The following ABCD3 variants were observed in gnomAD, a reference collection of about 807,000 sequenced individuals.
The protein encoded by ABCD3 is ATP-binding cassette sub-family D member 3.
Under a neutral mutation model 105.5 loss-of-function variants are expected in ABCD3, and 41 were observed. That is an observed-to-expected ratio of 0.39 (90% CI 0.30 to 0.50). The LOEUF is 0.50. ABCD3 is among the 20% of genes least tolerant of loss of function. ABCD3 has a pLI of 0.84. For synonymous variants in ABCD3, 258 were observed against 269.0 expected (o/e 0.96, Z 0.40); for missense variants, 622 against 806.3 (o/e 0.77, Z 2.77).
In ABCD3 at chr1:94,440,081, T is replaced by C. The variant is rs369175283; in HGVS notation, c.111-18526T>C. On this transcript the variant is annotated intron_variant, in intron 1 of 22. Coordinates refer to ENST00000370214, the MANE Select transcript of ABCD3 (RefSeq NM_002858.4). ...TGGATTATTTTGACATCATAGGTTATAGTTTTTATATCTTGTAGGAATGTG... is the reference window on the plus strand; with the variant it reads ...TGGATTATTTTGACATCATAGGTTACAGTTTTTATATCTTGTAGGAATGTG... Among the ~76,000 whole-genome samples the C allele has an allele frequency of 1.5e-4, 23 of 152,366 alleles. No individual in the cohort carries two copies. The South Asian group carries it at 1.7e-3, about 11-fold the overall frequency.
At chr1:94,402,657 C>T in the ABCD3 span, among the ~76,000 whole-genome samples, 21 of 152,264 alleles carry the variant, frequency 1.4e-4, no homozygotes, top group East Asian at 2.3e-3. Flanking sequence ...ACCCCCTTCA[C>T]GCTCTAATCT....
At chr1:94,433,429 C>T (rs768924502) in intron 1 of ABCD3, among the ~76,000 whole-genome samples, 2 of 151,854 alleles carry the variant, frequency 1.3e-5, no homozygotes, top group Non-Finnish European at 2.9e-5. Flanking sequence ...GCTGGGATTA[C>T]AGGTGTGAGC....
chr1:94,506,459 T>C, intron 20 of ABCD3, 79 bp from the exon 21 acceptor site: 2 of 807,730 alleles, frequency 2.5e-6, no homozygotes, highest in East Asian at 5.0e-5. Context: ...TACAAATGCA[T>C]ATTTAACATA....
At chr1:94,488,700 C>T (rs1649386234) in intron 13 of ABCD3, among the ~76,000 whole-genome samples, 1 of 152,048 alleles carries the variant, frequency 6.6e-6, no homozygotes, top group African/African-American at 2.4e-5. Context: ...TTGTTAACTA[C>T]TATGAGTAGA....
Position 94,491,179 on chromosome 1 carries a change from T to C in ABCD3, c.1323-5T>C. The C allele has an allele frequency of 6.2e-7, 1 of 1,607,506 alleles. No homozygotes were observed. On this transcript the variant is annotated splice_polypyrimidine_tract_variant and splice_region_variant and intron_variant, in intron 15 of 22. Transcript: ENST00000370214. ...TAATTCTCTTTTTAAAAATTTCCTC[T>C]ATAGGTTTGATCATGTTCCTTTAGC...
intron 21 of ABCD3, among the ~76,000 whole-genome samples, chr1:94,511,154 G>A (rs1650650302): frequency 6.6e-6 from 1 of 151,808 alleles, no homozygotes; most frequent in African/African-American, 2.4e-5. Context: ...CATGTTTAGT[G>A]CTTCCTTCAG....
rs545066375 is a variant in ABCD3 at position 94,464,481 on chromosome 1, G to A, written c.148-294G>A. ...GGCCATTTTGTTCTTCCTCAAGCAC[G>A]TTGCAGGTGTTCACCTTGGTATTTT... On this transcript the variant is annotated intron_variant, in intron 2 of 22. Transcript: ENST00000370214. Among the ~76,000 whole-genome samples, 17 of 152,104 alleles carry A rather than the reference G, an allele frequency of 1.1e-4. No individual in the cohort carries two copies. The South Asian group carries it at 1.5e-3, about 13-fold the overall frequency.
rs1344663942 is a variant in ABCD3 at position 94,487,524 on chromosome 1, G to GT, written c.898-13dup. The GT allele has an allele frequency of 6.2e-6, 10 of 1,610,912 alleles. No homozygotes were observed. Among genetic ancestry groups the GT allele is most frequent in the Non-Finnish European group, 8.5e-6 (10 of 1,178,580 alleles). On this transcript the variant is annotated splice_polypyrimidine_tract_variant and intron_variant, in intron 10 of 22. Coordinates refer to ENST00000370214, the MANE Select transcript of ABCD3 (RefSeq NM_002858.4). Reference sequence around the variant, plus strand: ...TATACAGAGAAAAAGATGGTTTTTTGTTTTTGTTTTCTGCCAGGTGGAACA... The same window carrying GT: ...TATACAGAGAAAAAGATGGTTTTTTGTTTTTTGTTTTCTGCCAGGTGGAACA...
the ABCD3 span, among the ~76,000 whole-genome samples, chr1:94,404,312 C>T: frequency 6.6e-6 from 1 of 152,176 alleles, no homozygotes; most frequent in African/African-American, 2.4e-5. Context: ...GTTCAGGGTT[C>T]ATGTGTAATT....
chr1:94,421,628 T>A (rs1659262737), intron 1 of ABCD3, among the ~76,000 whole-genome samples: 1 of 151,682 alleles, frequency 6.6e-6, no homozygotes, highest in African/African-American at 2.4e-5. Flanking sequence ...TCAGGGAGCT[T>A]ACCTTCTTGT....
rs890081880 is a variant in ABCD3, at chr1:94,518,168, T to C, written c.*1039T>C. The C allele has an allele frequency of 1.3e-5, 2 of 152,320 alleles. No individual in the cohort carries two copies. The highest frequency in any genetic ancestry group is 2.9e-5 in the Non-Finnish European group (2 of 67,844). 9.4% of individuals were successfully genotyped at this position (152,320 alleles called of 1,614,324 possible). On this transcript the variant is annotated 3_prime_UTR_variant, in exon 23 of 23. Coordinates refer to ENST00000370214, the MANE Select transcript of ABCD3 (RefSeq NM_002858.4). ...CTGTGAATCTTGAATAACTTTTTTATATTTGGGTTATGATGTCAAACGATC... is the reference window on the plus strand; with the variant it reads ...CTGTGAATCTTGAATAACTTTTTTACATTTGGGTTATGATGTCAAACGATC...
chr1:94,454,561 T>G (rs1267542228), intron 1 of ABCD3, among the ~76,000 whole-genome samples: 1 of 152,134 alleles, frequency 6.6e-6, no homozygotes, highest in Admixed American at 6.5e-5. Flanking sequence ...GATTTTGTGG[T>G]TTGACTGAGG....
At chr1:94,458,765 T>C (rs1647716208) in intron 2 of ABCD3, 122 bp downstream of exon 2, 1 of 931,070 alleles carries the variant, frequency 1.1e-6, no homozygotes, top group African/African-American at 1.7e-5. Context: ...ACTCCAGTCT[T>C]CTACACATTA....
At chr1:94,506,393 T>A (rs1234612106) in intron 20 of ABCD3, 145 bp from the exon 21 acceptor site, 9 of 611,770 alleles carry the variant, frequency 1.5e-5, no homozygotes, top group Non-Finnish European at 2.4e-5. Context: ...TGTTTCTATT[T>A]CTGGGAAGTA....
intron 7 of ABCD3, among the ~76,000 whole-genome samples, chr1:94,477,773 G>A (rs1385985027): frequency 1.7e-5 from 2 of 118,034 alleles, no homozygotes; most frequent in Admixed American, 9.0e-5. Context: ...TAGATTCAAT[G>A]GCTTACTTGA....
At chr1:94,431,026 A>T (rs1358266982) in intron 1 of ABCD3, among the ~76,000 whole-genome samples, 5 of 152,154 alleles carry the variant, frequency 3.3e-5, no homozygotes, top group African/African-American at 4.8e-5. Flanking sequence ...TGAAATTTGG[A>T]TGCAACTTAC....
At chr1:94,466,559 T>C (rs907244408) in intron 3 of ABCD3, among the ~76,000 whole-genome samples, 1 of 152,224 alleles carries the variant, frequency 6.6e-6, no homozygotes, top group African/African-American at 2.4e-5. Flanking sequence ...TTCATTTGTT[T>C]ACAACATCAT....
intron 1 of ABCD3, chr1:94,419,405 G>A: frequency 1.0e-6 from 1 of 962,370 alleles, no homozygotes; most frequent in Non-Finnish European, 1.2e-6. Context: ...ACTTTGGGAG[G>A]TTATCAGTTC....
chr1:94,420,206 A>C (rs1238148688), intron 1 of ABCD3, among the ~76,000 whole-genome samples: 2 of 152,206 alleles, frequency 1.3e-5, no homozygotes, highest in African/African-American at 4.8e-5. Flanking sequence ...TCGTGTAATC[A>C]GCACCCAGAT....
Sources: gnomAD v4.1 joint callset for allele counts (sites outside exome capture counted in the v4.1 genomes callset) on GRCh38, gnomAD v4.1.1 for gene constraint, MANE v1.5 for transcripts, NCBI Gene and HGNC (gene_info 2026-07-23, HGNC 2026-07-21) for gene names.